The following TMTC2 variants were observed in gnomAD, a reference collection of about 807,000 sequenced individuals.
The protein encoded by TMTC2 is transmembrane O-mannosyltransferase targeting cadherins 2.
TMTC2 carries 43 observed loss-of-function variants against 82.4 expected under a neutral mutation model. The observed-to-expected ratio is 0.52, with a 90% CI of 0.41 to 0.67. The LOEUF is 0.67. TMTC2 is among the 30% of genes least tolerant of loss of function. TMTC2 has a pLI of 0.00. For missense variants in TMTC2, 919 were observed against 1,012.4 expected (o/e 0.91, Z 1.25); for synonymous variants, 408 against 381.9 (o/e 1.07, Z -0.80).
chr12:83,044,602 G>A (rs1002201375), intron 9 of TMTC2, among the ~76,000 whole-genome samples: 3 of 152,194 alleles, frequency 2.0e-5, no homozygotes, highest in African/African-American at 7.2e-5. Context: ...GGTGGCTTGA[G>A]ACAGAAAGGT....
At chr12:83,109,471 T>C (rs978327839) in intron 11 of TMTC2, among the ~76,000 whole-genome samples, 1 of 151,656 alleles carries the variant, frequency 6.6e-6, no homozygotes, top group Admixed American at 6.6e-5. Context: ...CCCCAATTCT[T>C]GAAATATTTC....
intron 1 of TMTC2, among the ~76,000 whole-genome samples, chr12:82,742,045 G>C (rs1193322572): frequency 6.6e-6 from 1 of 152,114 alleles, no homozygotes; most frequent in African/African-American, 2.4e-5. Flanking sequence ...CCCTACTGGA[G>C]CCCATAAAAA....
chr12:82,981,394 C>A lies in TMTC2; in HGVS notation c.1949-4531C>A, dbSNP rs146294466. ...TTGCCTGGGTTATTTAGACCTGGGG[C>A]TTTTTAGGGAGAGAGAGTGACATTA... On this transcript the variant is annotated intron_variant, in intron 7 of 11. Coordinates refer to ENST00000321196, the MANE Select transcript of TMTC2 (RefSeq NM_152588.3). Among the ~76,000 whole-genome samples the A allele has an allele frequency of 2.4e-3, 364 of 151,872 alleles. 3 individuals are homozygous for A. Among genetic ancestry groups the A allele is most frequent in the African/African-American group, 8.4e-3 (347 of 41,514 alleles).
intron 9 of TMTC2, among the ~76,000 whole-genome samples, chr12:83,033,742 C>G (rs997717585): frequency 1.9e-4 from 28 of 151,138 alleles, no homozygotes; most frequent in African/African-American, 6.3e-4. Context: ...GAGAGCAAGA[C>G]TCTTGTCTCA....
chr12:83,047,954 G>T (rs1013382321), intron 9 of TMTC2, among the ~76,000 whole-genome samples: 2 of 152,108 alleles, frequency 1.3e-5, no homozygotes, highest in Non-Finnish European at 2.9e-5. Flanking sequence ...GGGACCCCTT[G>T]TTATGGGTAT....
chr12:82,821,888 CAAAA>C (rs59861216), intron 1 of TMTC2, among the ~76,000 whole-genome samples: 2 of 69,432 alleles, frequency 2.9e-5, no homozygotes, highest in African/African-American at 4.1e-5. Context: ...GACTCCGTCT[CAAAA>C]AAAAAAAAAA....
chr12:82,983,801 T>G (rs1413860466), intron 7 of TMTC2, among the ~76,000 whole-genome samples: 1 of 152,072 alleles, frequency 6.6e-6, no homozygotes, highest in African/African-American at 2.4e-5. Context: ...GTTTAAGAGA[T>G]AAATATGTGG....
chr12:82,883,105 A>G (rs1270165593), intron 2 of TMTC2, among the ~76,000 whole-genome samples: 1 of 150,934 alleles, frequency 6.6e-6, no homozygotes, highest in African/African-American at 2.4e-5. Context: ...AGTCGGCCTC[A>G]GTTGCCCAGT....
chr12:83,121,456 G>A (rs1022986269), intron 11 of TMTC2, among the ~76,000 whole-genome samples: 34 of 152,096 alleles, frequency 2.2e-4, no homozygotes, highest in Admixed American at 2.2e-3. Context: ...AGTCTACCAG[G>A]CTCTGTGCTG....
chr12:82,812,911 A>C (rs142511244), intron 1 of TMTC2, among the ~76,000 whole-genome samples: 49 of 152,192 alleles, frequency 3.2e-4, no homozygotes, highest in African/African-American at 1.1e-3. Context: ...CTATAATAGC[A>C]ACTTTCACTT....
intron 11 of TMTC2, among the ~76,000 whole-genome samples, chr12:83,071,146 GTTGTTTTTTTTT>G (rs916047445): frequency 1.4e-4 from 19 of 139,036 alleles, no homozygotes; most frequent in Non-Finnish European, 2.0e-4. Context: ...TTGGTCTGTA[GTTGTTTTTTTTT>G]TTGTTTTTTT....
At chr12:83,008,423 A>C (rs1796146) in intron 8 of TMTC2, among the ~76,000 whole-genome samples, 119,136 of 152,076 alleles carry the variant, frequency 0.78, 47,702 homozygotes, top group South Asian at 0.93. Context: ...ACCCTTCGTC[A>C]AGCTCACTGA....
chr12:83,051,547 T>C (rs886342716), intron 10 of TMTC2, among the ~76,000 whole-genome samples: 5 of 152,176 alleles, frequency 3.3e-5, no homozygotes, highest in Admixed American at 2.6e-4. Flanking sequence ...ATATAATACA[T>C]GTCTAATTAA....
chr12:82,853,976 C>T (rs1382455066), intron 1 of TMTC2, among the ~76,000 whole-genome samples: 1 of 149,628 alleles, frequency 6.7e-6, no homozygotes, highest in Non-Finnish European at 1.5e-5. Flanking sequence ...TTAATTATAA[C>T]CCATCAAGTC....
intron 1 of TMTC2, among the ~76,000 whole-genome samples, chr12:82,743,297 T>C (rs1875512650): frequency 6.6e-6 from 1 of 151,858 alleles, no homozygotes. Flanking sequence ...AAAAATTAGC[T>C]GGGAATGGTG....
chr12:82,778,985 C>T (rs1196312671), intron 1 of TMTC2, among the ~76,000 whole-genome samples: 1 of 146,954 alleles, frequency 6.8e-6, no homozygotes, highest in Non-Finnish European at 1.5e-5. Context: ...TGCAGTGAGC[C>T]AGGATTGCAC....
At chr12:82,734,259 C>A (rs1203245310) in intron 1 of TMTC2, among the ~76,000 whole-genome samples, 1 of 152,202 alleles carries the variant, frequency 6.6e-6, no homozygotes, top group East Asian at 1.9e-4. Context: ...TGCTCAGGGT[C>A]TAATAGGGCT....
At chr12:82,965,800 G>A in intron 6 of TMTC2, 56 bp downstream of exon 6, 1 of 1,603,040 alleles carries the variant, frequency 6.2e-7, no homozygotes, top group South Asian at 1.1e-5. Flanking sequence ...TCCAGTCTCA[G>A]TGGTTTGTAA....
chr12:82,819,271 GAT>G lies in TMTC2; in HGVS notation c.84-37737_84-37736del, dbSNP rs2137060227. ...TAGAAAACTTTTCTTTCAACTGAAA[GAT>G]AATTTTTTGTTACTTCAACTCGAAT... On this transcript the variant is annotated intron_variant, in intron 1 of 11. Transcript: ENST00000321196. Among the ~76,000 whole-genome samples the G allele has an allele frequency of 1.3e-5, 2 of 152,064 alleles. 1 individual carries two copies. The highest frequency in any genetic ancestry group is 4.2e-4 in the South Asian group (2 of 4,810).
Sources: gnomAD v4.1 joint callset for allele counts (sites outside exome capture counted in the v4.1 genomes callset) on GRCh38, gnomAD v4.1.1 for gene constraint, MANE v1.5 for transcripts, NCBI Gene and HGNC (gene_info 2026-07-23, HGNC 2026-07-21) for gene names.